RGS6: variants seen among roughly 807,000 people sequenced by gnomAD.
RGS6 encodes the protein regulator of G-protein signaling 6.
In RGS6, 30 loss-of-function variants were observed where a neutral mutation model predicts 78.5. That is an observed-to-expected ratio of 0.38 (90% CI 0.29 to 0.52). The LOEUF is 0.52. Among genes scored for constraint, RGS6 ranks in the 20% least tolerant of loss-of-function variants. The probability of loss-of-function intolerance (pLI) is 0.85; values close to 1 mark genes in which losing one functional copy is unlikely to be tolerated. For synonymous variants in RGS6, 206 were observed against 206.0 expected, an observed-to-expected ratio of 1.00 and a Z score of 0.00; for missense variants, 495 against 609.7, an observed-to-expected ratio of 0.81 and a Z score of 1.98.
the RGS6 span, among the ~76,000 whole-genome samples, chr14:71,920,635 G>GCACACACACACA: frequency 4.3e-4 from 66 of 151,828 alleles, no homozygotes; most frequent in African/African-American, 1.4e-3. Context: ...ACACGCGCGT[G>GCACACACACACA]CACACACACA....
chr14:72,398,381 T>G (rs1228340432), intron 3 of RGS6, among the ~76,000 whole-genome samples: 3 of 152,242 alleles, frequency 2.0e-5, no homozygotes, highest in African/African-American at 7.2e-5. Context: ...TGTATTTCTG[T>G]GGGATCAGTG....
At chr14:72,025,012 A>G (rs2089545119) in intron 2 of RGS6, among the ~76,000 whole-genome samples, 1 of 152,190 alleles carries the variant, frequency 6.6e-6, no homozygotes, top group African/African-American at 2.4e-5. Context: ...TAAGGGTACT[A>G]GAGATTCTGA....
intron 2 of RGS6, among the ~76,000 whole-genome samples, chr14:72,340,474 G>C (rs2529473): frequency 7.6e-4 from 116 of 152,126 alleles, no homozygotes; most frequent in Non-Finnish European, 1.4e-3. Context: ...GCCCTCAGGA[G>C]GAAGGGTAGT....
chr14:71,949,608 C>T (rs34836887), intron 1 of RGS6, among the ~76,000 whole-genome samples: 19,042 of 151,882 alleles, frequency 0.13, 1,467 homozygotes, highest in Non-Finnish European at 0.16. Flanking sequence ...TATCTTTTCC[C>T]GGCTCTAGTG....
intron 2 of RGS6, among the ~76,000 whole-genome samples, chr14:71,972,391 G>A (rs1158483469): frequency 6.6e-6 from 1 of 151,692 alleles, no homozygotes; most frequent in African/African-American, 2.4e-5. Context: ...TTTAAACTTG[G>A]TCCTTTTGGA....
intron 2 of RGS6, among the ~76,000 whole-genome samples, chr14:72,092,997 C>T (rs1445367301): frequency 1.3e-5 from 2 of 151,682 alleles, no homozygotes; most frequent in African/African-American, 4.8e-5. Flanking sequence ...TTAGACTTGC[C>T]TTGTTTCCAT....
chr14:72,246,768 G>A (rs1334546117), intron 2 of RGS6, among the ~76,000 whole-genome samples: 1 of 152,058 alleles, frequency 6.6e-6, no homozygotes, highest in Non-Finnish European at 1.5e-5. Flanking sequence ...AACTTAGCTG[G>A]GCATGGTGGC....
intron 2 of RGS6, among the ~76,000 whole-genome samples, chr14:72,217,125 A>G (rs1490638288): frequency 6.6e-6 from 1 of 152,168 alleles, no homozygotes; most frequent in Non-Finnish European, 1.5e-5. Flanking sequence ...GATAAGGTAA[A>G]TCAAAGTGCC....
At chr14:72,105,631 G>C (rs189851687) in intron 2 of RGS6, among the ~76,000 whole-genome samples, 47 of 152,130 alleles carry the variant, frequency 3.1e-4, no homozygotes, top group Middle Eastern at 3.4e-3. Context: ...CTAAAGCTTA[G>C]TCTCTGATAT....
chr14:72,000,207 G>A lies in RGS6; in HGVS notation c.84+35332G>A, dbSNP rs79925670. ...CAGAAGATACAGCCAGCAAGAATTC[G>A]CTCAGGCGGTTGTTGTAATATCTTT... is the stretch of plus-strand genomic sequence containing the variant. On this transcript the variant is annotated intron_variant, in intron 2 of 17. Coordinates refer to ENST00000553525, the MANE Select transcript of RGS6 (RefSeq NM_001204424.2). Among the ~76,000 whole-genome samples the A allele has an allele frequency of 4.1e-3, 624 of 152,290 alleles. 5 individuals are homozygous for A. The highest frequency in any genetic ancestry group is 0.015 in the African/African-American group (603 of 41,550).
chr14:72,130,437 T>C (rs1480526150), intron 2 of RGS6, among the ~76,000 whole-genome samples: 2 of 152,182 alleles, frequency 1.3e-5, no homozygotes, highest in Non-Finnish European at 2.9e-5. Flanking sequence ...AAAGTTCCTC[T>C]AATTATGTAT....
chr14:72,148,154 A>G (rs2096634227), intron 2 of RGS6, among the ~76,000 whole-genome samples: 2 of 122,688 alleles, frequency 1.6e-5, no homozygotes, highest in Non-Finnish European at 3.5e-5. Flanking sequence ...AAAAAAAAAA[A>G]ATTGAGAGAT....
chr14:72,369,684 T>C (rs923424610), intron 3 of RGS6, among the ~76,000 whole-genome samples: 1 of 152,202 alleles, frequency 6.6e-6, no homozygotes, highest in Non-Finnish European at 1.5e-5. Context: ...TAACATGAAC[T>C]TATGTAGTAG....
intron 3 of RGS6, among the ~76,000 whole-genome samples, chr14:72,399,985 C>T (rs1183757217): frequency 1.3e-5 from 2 of 152,150 alleles, no homozygotes; most frequent in African/African-American, 4.8e-5. Context: ...TCCAAGAGAA[C>T]TTCCCCAATC....
intron 2 of RGS6, among the ~76,000 whole-genome samples, chr14:72,119,794 T>A (rs1293501882): frequency 6.6e-6 from 1 of 152,220 alleles, no homozygotes; most frequent in Non-Finnish European, 1.5e-5. Flanking sequence ...TATGTCCTAA[T>A]GGAAATGCAC....
intron 6 of RGS6, among the ~76,000 whole-genome samples, chr14:72,464,281 ACTCT>A (rs910132690): frequency 1.3e-5 from 2 of 152,012 alleles, no homozygotes; most frequent in Non-Finnish European, 2.9e-5. Context: ...TAGAAGCAAC[ACTCT>A]CTCTCTTTTC....
At chr14:71,962,605 CAG>C (rs546541697) in intron 1 of RGS6, among the ~76,000 whole-genome samples, 1 of 152,162 alleles carries the variant, frequency 6.6e-6, no homozygotes, top group Non-Finnish European at 1.5e-5. Context: ...GAATGGTAAT[CAG>C]TGTTTCCATG....
chr14:72,498,494 G>A lies in RGS6; in HGVS notation c.965+3232G>A, dbSNP rs938259652. Among the ~76,000 whole-genome samples the A allele has an allele frequency of 4.6e-5, 7 of 152,074 alleles. No homozygotes were observed. In the South Asian group the frequency reaches 8.3e-4, roughly 18 times the overall value. ...AGTTTCTAAAAAATACTAATGCCTGGTCCTCACACACAGCCAATTAATTCA... is the reference window on the plus strand; with the variant it reads ...AGTTTCTAAAAAATACTAATGCCTGATCCTCACACACAGCCAATTAATTCA... On this transcript the variant is annotated intron_variant, in intron 13 of 17. Transcript: ENST00000553525.
At chr14:71,972,494 G>A (rs2093872989) in intron 2 of RGS6, among the ~76,000 whole-genome samples, 8 of 152,170 alleles carry the variant, frequency 5.3e-5, no homozygotes, top group Admixed American at 4.6e-4. Flanking sequence ...AAAGGGAAGC[G>A]ATTGAGACTC....
Sources: gnomAD v4.1 joint callset for allele counts (sites outside exome capture counted in the v4.1 genomes callset) on GRCh38, gnomAD v4.1.1 for gene constraint, MANE v1.5 for transcripts, NCBI Gene and HGNC (gene_info 2026-07-23, HGNC 2026-07-21) for gene names.